MAP4K4: variants seen among roughly 807,000 people sequenced by gnomAD.
MAP4K4 encodes mitogen-activated protein kinase kinase kinase kinase 4, also known as HPK/GCK-like kinase HGK.
In MAP4K4, 38 loss-of-function variants were observed where a neutral mutation model predicts 189.6. The ratio of observed to expected loss-of-function variants is 0.20; its 90% CI spans 0.15 to 0.26. The LOEUF (loss-of-function observed/expected upper bound fraction) is 0.26. Among genes scored for constraint, MAP4K4 ranks in the 10% least tolerant of loss-of-function variants. The pLI, the probability that MAP4K4 is intolerant of heterozygous loss-of-function variation, is 1.00. For missense variants in MAP4K4, 1,054 were observed against 1,726.9 expected (o/e 0.61, Z 6.91); for synonymous variants, 610 against 624.3 (o/e 0.98, Z 0.34).
rs190469892 is a variant in MAP4K4, at chr2:101,790,569, T to C, written c.124-151T>C. ...TTCATTATAAACCATATTGTTGTATTGGAGAGCACAGGACTATTTCGTCAT... is the reference window on the plus strand; with the variant it reads ...TTCATTATAAACCATATTGTTGTATCGGAGAGCACAGGACTATTTCGTCAT... On this transcript the variant is annotated intron_variant, in intron 2 of 32. Coordinates refer to ENST00000324219, the Ensembl canonical transcript of MAP4K4. 620 of 627,222 alleles carry C rather than the reference T, an allele frequency of 9.9e-4. 4 individuals carry two copies. Among genetic ancestry groups the C allele is most frequent in the Non-Finnish European group, 1.6e-4 (53 of 339,998 alleles). The allele number at this position is 627,222 out of a possible 1,614,324, so 38.9% of individuals were successfully genotyped here.
chr2:101,737,936 A>T (rs1391207903), intron 2 of MAP4K4, among the ~76,000 whole-genome samples: 2 of 152,030 alleles, frequency 1.3e-5, no homozygotes, highest in Non-Finnish European at 2.9e-5. Flanking sequence ...ATATTTATTG[A>T]TCCTCTGTTC....
chr2:101,874,136 G>A (rs2098131985), exon 26 of MAP4K4: 4 of 1,613,922 alleles, frequency 2.5e-6, no homozygotes, highest in South Asian at 1.1e-5. Flanking sequence ...GATCCTACCC[G>A]GAAAGGCTCA....
chr2:101,863,829 G>GT lies in MAP4K4; in HGVS notation c.1876dup (p.Ser626PhefsTer21), dbSNP rs1263500067. On this transcript the variant is annotated frameshift_variant, in exon 17 of 33. Coordinates refer to ENST00000324219, the Ensembl canonical transcript of MAP4K4. LOFTEE classifies it high-confidence loss of function. ...TTTTGTTTTCTTGTAAGGTACAGTG[G>GT]TCCCACCTGGCATCTCTCAAGAACA... is the stretch of plus-strand genomic sequence containing the variant. The GT allele has an allele frequency of 7.3e-7, 1 of 1,367,386 alleles. No individual in the cohort carries two copies. The allele number at this position is 1,367,386 out of a possible 1,614,324, so 84.7% of individuals were successfully genotyped here. A position where few individuals can be genotyped will look rare whatever the true frequency, so the allele number is the denominator to read the frequency against.
At chr2:101,894,205 G>A (rs896060991) in exon 33 of MAP4K4, 1 of 152,840 alleles carries the variant, frequency 6.5e-6, no homozygotes, top group South Asian at 2.1e-4. Context: ...CATTACATAA[G>A]GAACATTGAA....
intron 23 of MAP4K4, among the ~76,000 whole-genome samples, chr2:101,871,243 G>T (rs903954955): frequency 3.3e-5 from 5 of 152,114 alleles, no homozygotes; most frequent in African/African-American, 1.2e-4. Context: ...AGAAGCTAGC[G>T]CAACAGATAA....
intron 2 of MAP4K4, among the ~76,000 whole-genome samples, chr2:101,737,995 T>C (rs911749983): frequency 1.3e-5 from 2 of 152,138 alleles, no homozygotes; most frequent in African/African-American, 4.8e-5. Flanking sequence ...TTACCTAACA[T>C]GCTAGCATCA....
chr2:101,729,644 G>A (rs2057500030), intron 2 of MAP4K4, among the ~76,000 whole-genome samples: 1 of 152,198 alleles, frequency 6.6e-6, no homozygotes, highest in African/African-American at 2.4e-5. Context: ...TACCTGCAGT[G>A]TGATCCTCTT....
chr2:101,823,587 G>T (rs1429718713), intron 3 of MAP4K4, among the ~76,000 whole-genome samples: 4 of 152,178 alleles, frequency 2.6e-5, no homozygotes, highest in Admixed American at 6.5e-5. Flanking sequence ...TCCTTTTGTG[G>T]TCCCATTTTT....
At chr2:101,697,990 G>A (rs1472920132) in exon 1 of MAP4K4, 4 of 890,234 alleles carry the variant, frequency 4.5e-6, no homozygotes, top group Non-Finnish European at 6.0e-6. Flanking sequence ...TGCCGCGCGA[G>A]GAGCGCGGTC....
intron 2 of MAP4K4, among the ~76,000 whole-genome samples, chr2:101,729,477 T>C (rs576526281): frequency 6.6e-6 from 1 of 152,350 alleles, no homozygotes; most frequent in East Asian, 1.9e-4. Context: ...AACTGTATTT[T>C]TTATTATAGG....
chr2:101,849,623 C>G (rs2097215881), intron 12 of MAP4K4, among the ~76,000 whole-genome samples: 1 of 15,280 alleles, frequency 6.5e-5, no homozygotes, highest in Non-Finnish European at 1.1e-4. Flanking sequence ...TAGTTTTGTG[C>G]TCTTTTTTTT....
At chr2:101,718,822 T>C (rs890750572) in intron 2 of MAP4K4, among the ~76,000 whole-genome samples, 2 of 152,194 alleles carry the variant, frequency 1.3e-5, no homozygotes, top group Non-Finnish European at 2.9e-5. Context: ...TCTGCATTTC[T>C]AATATGCTTC....
chr2:101,870,074 A>C (rs2097937708), intron 22 of MAP4K4: 1 of 617,032 alleles, frequency 1.6e-6, no homozygotes, highest in Non-Finnish European at 2.8e-6. Context: ...TAACTACTTT[A>C]ATTAGCCATA....
intron 6 of MAP4K4, chr2:101,829,804 A>G (rs186000674): frequency 2.7e-5 from 13 of 483,040 alleles, no homozygotes; most frequent in South Asian, 1.7e-4. Context: ...CTGGTTCTCT[A>G]TACAGCAGCC....
At chr2:101,837,352 C>T (rs2096788915) in intron 9 of MAP4K4, among the ~76,000 whole-genome samples, 1 of 151,978 alleles carries the variant, frequency 6.6e-6, no homozygotes, top group Admixed American at 6.6e-5. Context: ...ATGCTTCTCC[C>T]TGTAGCTCAC....
intron 1 of MAP4K4, 95 bp from the exon 2 acceptor site, chr2:101,698,378 T>G: frequency 8.3e-7 from 1 of 1,206,080 alleles, no homozygotes; most frequent in Non-Finnish European, 1.2e-6. Flanking sequence ...AGCCCACCTC[T>G]TTTGTCACCG....
intron 3 of MAP4K4, among the ~76,000 whole-genome samples, chr2:101,818,785 C>A (rs1252408280): frequency 3.3e-5 from 5 of 152,064 alleles, no homozygotes; most frequent in African/African-American, 1.2e-4. Flanking sequence ...CAGGTCCTGG[C>A]CTGAGACAAA....
At chr2:101,891,680 G>A (rs537097270) in exon 33 of MAP4K4, 23 of 163,718 alleles carry the variant, frequency 1.4e-4, no homozygotes, top group Non-Finnish European at 2.7e-4. Flanking sequence ...GTGGTAAAAG[G>A]AGCGGAGTGC....
chr2:101,811,249 T>C lies in MAP4K4; in HGVS notation c.181-12679T>C, dbSNP rs184130994. 6.7e-3 allele frequency among the ~76,000 whole-genome samples: 1,006 copies of C among 151,086 alleles called. 12 individuals are homozygous for C. The highest frequency in any genetic ancestry group is 0.024 in the African/African-American group (973 of 41,128). ...AGCTGGGCTTGGTGGCGGGTGCCTG[T>C]AGTCCCAGCTACTCGGGAAGCTGAG... On this transcript the variant is annotated intron_variant, in intron 3 of 32. Transcript: ENST00000324219.
Sources: gnomAD v4.1 joint callset for allele counts (sites outside exome capture counted in the v4.1 genomes callset) on GRCh38, gnomAD v4.1.1 for gene constraint, MANE v1.5 for transcripts, NCBI Gene and HGNC (gene_info 2026-07-23, HGNC 2026-07-21) for gene names.